Variants in EHD3 observed in about 807,000 individuals in gnomAD.
The protein encoded by EHD3 is EH domain-containing protein 3.
A neutral mutation model predicts 43.0 loss-of-function variants in EHD3; 17 were observed. The observed-to-expected ratio is 0.40, with a 90% CI of 0.27 to 0.59. The LOEUF (loss-of-function observed/expected upper bound fraction) is 0.59, where lower values mean the gene tolerates loss of function less well. EHD3 is among the 20% of genes least tolerant of loss of function. The pLI is 0.49. For missense variants in EHD3, 594 were observed against 705.6 expected, an observed-to-expected ratio of 0.84 and a Z score of 1.79; for synonymous variants, 313 against 289.5, an observed-to-expected ratio of 1.08 and a Z score of -0.82.
At chr2:31,245,546 T>TATAC (rs1683500363) in intron 2 of EHD3, among the ~76,000 whole-genome samples, 2 of 53,660 alleles carry the variant, frequency 3.7e-5, no homozygotes, top group Non-Finnish European at 6.2e-5. Flanking sequence ...TATATATATA[T>TATAC]ATATATATTT....
intron 1 of EHD3, among the ~76,000 whole-genome samples, chr2:31,241,554 G>C (rs1453739443): frequency 1.3e-5 from 2 of 152,232 alleles, no homozygotes; most frequent in Non-Finnish European, 2.9e-5. Context: ...AGGTCCATTT[G>C]ATGAGGAAGA....
intron 3 of EHD3, among the ~76,000 whole-genome samples, chr2:31,253,246 C>CCCCA (rs1553403505): frequency 4.2e-5 from 6 of 142,014 alleles, no homozygotes; most frequent in African/African-American, 1.6e-4. Flanking sequence ...CAACCCCCTC[C>CCCCA]CACACACACA....
At position 31,257,160 on chromosome 2, in the gene EHD3, C is replaced by T. The variant is rs973642515; in HGVS notation, c.503-3350C>T. On this transcript the variant is annotated intron_variant, in intron 3 of 5. Coordinates refer to ENST00000322054, the MANE Select transcript of EHD3 (RefSeq NM_014600.3). ...GGAGTTGTGGAGGGTCCCTACTGCC[C>T]TCCTGCTGTGAGCTGTTTGCAGAGG... Among the ~76,000 whole-genome samples, 6 of 152,212 alleles carry T rather than the reference C, an allele frequency of 3.9e-5. No homozygotes were observed. In the South Asian group the frequency reaches 1.2e-3, roughly 32 times the overall value.
intron 1 of EHD3, among the ~76,000 whole-genome samples, chr2:31,235,959 C>T (rs555793260): frequency 3.0e-4 from 45 of 152,156 alleles, no homozygotes; most frequent in Non-Finnish European, 6.2e-4. Flanking sequence ...TTGGTGGCCC[C>T]CCAAAGTCAA....
intron 5 of EHD3, among the ~76,000 whole-genome samples, chr2:31,263,588 G>A (rs933698334): frequency 3.9e-5 from 6 of 152,184 alleles, no homozygotes; most frequent in African/African-American, 1.4e-4. Flanking sequence ...ACCTTGGGAC[G>A]TGATGCTCTG....
At chr2:31,258,068 G>A (rs1683785989) in intron 3 of EHD3, among the ~76,000 whole-genome samples, 1 of 152,204 alleles carries the variant, frequency 6.6e-6, no homozygotes, top group African/African-American at 2.4e-5. Flanking sequence ...GAAGGCTCAG[G>A]TGTTAGTTGA....
rs1364116698 is a variant in EHD3 at position 31,268,582 on chromosome 2, TG to T, written c.*1880del. On this transcript the variant is annotated 3_prime_UTR_variant, in exon 6 of 6. Transcript: ENST00000322054. Reference sequence around the variant, plus strand: ...CAGTGACCAACCCAGGCACAGCTGGTGGAGCCACCGCTCCCTGCTCCTCTGG... The same window carrying T: ...CAGTGACCAACCCAGGCACAGCTGGTGAGCCACCGCTCCCTGCTCCTCTGG... 2 of 152,242 alleles carry T rather than the reference TG, an allele frequency of 1.3e-5. No homozygotes were observed. Among genetic ancestry groups the T allele is most frequent in the Admixed American group, 1.3e-4 (2 of 15,290 alleles). The allele number at this position is 152,242 out of a possible 1,614,324, so 9.4% of individuals were successfully genotyped here.
chr2:31,256,436 C>T (rs1044075343), intron 3 of EHD3, among the ~76,000 whole-genome samples: 2 of 152,206 alleles, frequency 1.3e-5, no homozygotes, highest in Admixed American at 6.5e-5. Context: ...ACGTTTTCCA[C>T]GTTTCACTTC....
intron 5 of EHD3, among the ~76,000 whole-genome samples, chr2:31,264,088 A>G (rs1046669432): frequency 6.6e-6 from 1 of 152,144 alleles, no homozygotes; most frequent in Non-Finnish European, 1.5e-5. Context: ...ATGCATTGTT[A>G]GGTGATTTTG....
intron 2 of EHD3, among the ~76,000 whole-genome samples, chr2:31,248,324 G>C (rs1010612659): frequency 2.0e-5 from 3 of 152,128 alleles, no homozygotes; most frequent in Non-Finnish European, 4.4e-5. Flanking sequence ...GCCAGCTCCA[G>C]TGCCTCCTCC....
chr2:31,264,394 G>C (rs1683905102), intron 5 of EHD3, among the ~76,000 whole-genome samples: 1 of 152,168 alleles, frequency 6.6e-6, no homozygotes, highest in Non-Finnish European at 1.5e-5. Flanking sequence ...AGTGAGTGGT[G>C]AGTGAGTGTG....
chr2:31,266,788 A>G lies in EHD3; in HGVS notation c.*84A>G, dbSNP rs1309771339. 6.4e-6 allele frequency: 9 copies of G among 1,400,174 alleles called. No homozygotes were observed. Among genetic ancestry groups the G allele is most frequent in the African/African-American group, 1.4e-5 (1 of 70,658 alleles). 86.7% of individuals were successfully genotyped at this position (1,400,174 alleles called of 1,614,324 possible). A position where few individuals can be genotyped will look rare whatever the true frequency, so the allele number is the denominator to read the frequency against. ...CACACACACACACACACACACACAC[A>G]CACACAAACATGCACACACACATAT... On this transcript the variant is annotated 3_prime_UTR_variant, in exon 6 of 6. Coordinates refer to ENST00000322054, the MANE Select transcript of EHD3 (RefSeq NM_014600.3). This position sits in a 1 kb window ranked among gnomAD's most constrained non-coding sequence, Gnocchi z 5.1.
chr2:31,236,485 G>C (rs1683326306), intron 1 of EHD3, among the ~76,000 whole-genome samples: 1 of 152,202 alleles, frequency 6.6e-6, no homozygotes, highest in Non-Finnish European at 1.5e-5. Context: ...CATGCTTCTT[G>C]TTTTATTAAG....
At chr2:31,256,169 C>T (rs1023341826) in intron 3 of EHD3, among the ~76,000 whole-genome samples, 1 of 152,186 alleles carries the variant, frequency 6.6e-6, no homozygotes, top group Non-Finnish European at 1.5e-5. Flanking sequence ...CTCACCCAGG[C>T]CAGTGCTCCT....
At position 31,258,514 on chromosome 2, in the gene EHD3, C is replaced by T. The variant is rs568588456; in HGVS notation, c.503-1996C>T. On this transcript the variant is annotated intron_variant, in intron 3 of 5. Transcript: ENST00000322054. ...CAGCCTTTGAAAGTGAAAGCCAACT[C>T]GGTGCAGTGGTTCATAGCACTGACT... 4.6e-5 allele frequency among the ~76,000 whole-genome samples: 7 copies of T among 152,172 alleles called. No individual in the cohort carries two copies. The East Asian group carries it at 1.2e-3, about 25-fold the overall frequency.
At chr2:31,246,041 A>G (rs1381471242) in intron 2 of EHD3, among the ~76,000 whole-genome samples, 1 of 152,066 alleles carries the variant, frequency 6.6e-6, no homozygotes, top group Non-Finnish European at 1.5e-5. Context: ...GAGCAGAGGA[A>G]GGGTCACGCT....
intron 3 of EHD3, among the ~76,000 whole-genome samples, chr2:31,259,561 G>C (rs1348551280): frequency 6.6e-6 from 1 of 152,164 alleles, no homozygotes; most frequent in Non-Finnish European, 1.5e-5. Flanking sequence ...ACCAAGATGC[G>C]GGTGGCCAGA....
At chr2:31,243,439 TCTTTCTTTCTTTC>T (rs1398588601) in intron 1 of EHD3, among the ~76,000 whole-genome samples, 40 of 98,238 alleles carry the variant, frequency 4.1e-4, no homozygotes, top group Admixed American at 2.3e-3. Context: ...TTTCTTTCTT[TCTTTCTTTCTTTC>T]TTTCTTTCTT....
chr2:31,242,801 A>G (rs1683447105), intron 1 of EHD3, among the ~76,000 whole-genome samples: 1 of 152,040 alleles, frequency 6.6e-6, no homozygotes, highest in Non-Finnish European at 1.5e-5. Flanking sequence ...TCTACTAAAA[A>G]TACAAAAAAT....
Sources: gnomAD v4.1 joint callset for allele counts (sites outside exome capture counted in the v4.1 genomes callset) on GRCh38, gnomAD v4.1.1 for gene constraint, Gnocchi (gnomAD v3.1) non-coding constraint, MANE v1.5 for transcripts, NCBI Gene and HGNC (gene_info 2026-07-23, HGNC 2026-07-21) for gene names.